The following PABPC1 variants were observed in gnomAD, a reference collection of about 807,000 sequenced individuals.
PABPC1 encodes poly(A) binding protein cytoplasmic 1.
In PABPC1, 4 loss-of-function variants were observed where a neutral mutation model predicts 74.0. That is an observed-to-expected ratio of 0.05 (90% CI 0.03 to 0.12). PABPC1 has a LOEUF of 0.12. Among genes scored for constraint, PABPC1 ranks in the 10% least tolerant of loss-of-function variants. The pLI, the probability that PABPC1 is intolerant of heterozygous loss-of-function variation, is 1.00. For synonymous variants in PABPC1, 227 were observed against 264.1 expected, an observed-to-expected ratio of 0.86 and a Z score of 1.36; for missense variants, 271 against 821.1, an observed-to-expected ratio of 0.33 and a Z score of 8.19.
intron 1 of PABPC1, among the ~76,000 whole-genome samples, chr8:100,720,842 G>A (rs570869850): frequency 6.6e-6 from 1 of 152,352 alleles, no homozygotes; most frequent in South Asian, 2.1e-4. Context: ...CATCGCCACA[G>A]GAACTTTATC....
intron 12 of PABPC1, 113 bp from the exon 13 acceptor site, chr8:100,705,169 T>C (rs944259285): frequency 2.0e-5 from 16 of 793,930 alleles, no homozygotes; most frequent in East Asian, 1.3e-4. Context: ...ACGTATATAA[T>C]AACCCATAAT....
At chr8:100,705,268 C>T (rs1810350772) in intron 12 of PABPC1, among the ~76,000 whole-genome samples, 3 of 152,216 alleles carry the variant, frequency 2.0e-5, no homozygotes, top group Admixed American at 1.3e-4. Flanking sequence ...GCCAATTAAG[C>T]AATGTTACCA....
intron 11 of PABPC1, 124 bp from the exon 12 acceptor site, chr8:100,705,797 T>C (rs984150454): frequency 1.1e-4 from 75 of 686,318 alleles, no homozygotes; most frequent in Non-Finnish European, 1.9e-4. Context: ...AGAAGTTGAG[T>C]GAGCGAATTA....
At chr8:100,714,208 C>T (rs962017158) in intron 4 of PABPC1, among the ~76,000 whole-genome samples, 2 of 152,194 alleles carry the variant, frequency 1.3e-5, no homozygotes, top group Admixed American at 6.5e-5. Context: ...ACTTATGCAG[C>T]ATTACTCATA....
At chr8:100,720,772 CAG>C (rs1483734838) in intron 1 of PABPC1, among the ~76,000 whole-genome samples, 1 of 152,218 alleles carries the variant, frequency 6.6e-6, no homozygotes, top group Non-Finnish European at 1.5e-5. Context: ...CTAGATCCAT[CAG>C]TCACTGATGA....
chr8:100,704,122 T>A (rs1587142177), intron 14 of PABPC1, 175 bp downstream of exon 14: 4 of 495,096 alleles, frequency 8.1e-6, no homozygotes, highest in South Asian at 2.9e-5. Flanking sequence ...AGTTAACGGG[T>A]AAAATTCCTT....
chr8:100,721,803 C>A lies in PABPC1; in HGVS notation c.-220G>T. On this transcript the variant is annotated 5_prime_UTR_variant, in exon 1 of 15. Transcript: ENST00000318607. This position sits in a 1 kb window ranked among gnomAD's most constrained non-coding sequence, Gnocchi z 7.4. ...CGGCGGGGAGCGAGGGTGGCGGTGT[C>A]GGGTCCGGGCAGCGGGAAGGCCTCG... is the stretch of plus-strand genomic sequence containing the variant. The A allele has an allele frequency of 2.4e-6, 1 of 415,386 alleles. No individual in the cohort carries two copies. Among genetic ancestry groups the A allele is most frequent in the Non-Finnish European group, 4.3e-6 (1 of 232,998 alleles). The allele number at this position is 415,386 out of a possible 1,614,324, so 25.7% of individuals were successfully genotyped here.
Position 100,707,015 on chromosome 8 carries a change from G to C in PABPC1, c.1337-18C>G, listed in dbSNP as rs201952783. The C allele has an allele frequency of 8.6e-7, 1 of 1,159,850 alleles. No homozygotes were observed. The highest frequency in any genetic ancestry group is 1.6e-5 in the African/African-American group (1 of 63,382). 71.8% of individuals were successfully genotyped at this position (1,159,850 alleles called of 1,614,324 possible). ...TTGGAATGCTGCATTTTAAAGATGT[G>C]AATATACATTAACTGGGAAAACTTA... On this transcript the variant is annotated intron_variant, in intron 9 of 14. Coordinates refer to ENST00000318607, the MANE Select transcript of PABPC1 (RefSeq NM_002568.4).
At chr8:100,716,462 A>G (rs1810672733) in intron 3 of PABPC1, among the ~76,000 whole-genome samples, 1 of 152,214 alleles carries the variant, frequency 6.6e-6, no homozygotes, top group African/African-American at 2.4e-5. Context: ...ATAGCATATT[A>G]TAATACACAG....
intron 12 of PABPC1, 78 bp from the exon 13 acceptor site, chr8:100,705,134 G>T: frequency 8.4e-7 from 1 of 1,189,320 alleles, no homozygotes; most frequent in Non-Finnish European, 1.2e-6. Context: ...ATTAAACTGG[G>T]GTTTAAGAAC....
Position 100,709,243 on chromosome 8 carries a change from ATGAGTTTATCAGT to A in PABPC1, c.1246-33_1246-21del. On this transcript the variant is annotated intron_variant, in intron 8 of 14. Coordinates refer to ENST00000318607, the MANE Select transcript of PABPC1 (RefSeq NM_002568.4). Reference sequence around the variant, plus strand: ...CTGAGTCTGCAGGGAAAAAAAGCACATGAGTTTATCAGTTGAAGAAAAAAGCAAATAATGCAAT... The same window carrying A: ...CTGAGTCTGCAGGGAAAAAAAGCACATGAAGAAAAAAGCAAATAATGCAAT... The A allele has an allele frequency of 6.2e-7, 1 of 1,602,798 alleles. No individual in the cohort carries two copies. Among genetic ancestry groups the A allele is most frequent in the Non-Finnish European group, 8.5e-7 (1 of 1,170,674 alleles).
intron 3 of PABPC1, among the ~76,000 whole-genome samples, 198 bp from the exon 4 acceptor site, chr8:100,715,799 C>CA (rs201171556): frequency 0.01 from 1,482 of 146,616 alleles, 7 homozygotes; most frequent in Middle Eastern, 0.017. Flanking sequence ...ACTACAATCA[C>CA]AAAAAAAAAA....
At position 100,705,677 on chromosome 8, in the gene PABPC1, G is replaced by A; in HGVS notation, c.1603-4C>T. On this transcript the variant is annotated splice_polypyrimidine_tract_variant and splice_region_variant and intron_variant, in intron 11 of 14. Coordinates refer to ENST00000318607, the MANE Select transcript of PABPC1 (RefSeq NM_002568.4). ...GACCTTGTACATGAACAGCAGGCTA[G>A]ACAGAAAATGAGAACTCTTAAGTTT... The A allele has an allele frequency of 6.7e-7, 1 of 1,500,488 alleles. No homozygotes were observed. Among genetic ancestry groups the A allele is most frequent in the Non-Finnish European group, 9.3e-7 (1 of 1,079,304 alleles). The allele number at this position is 1,500,488 out of a possible 1,614,324, so 92.9% of individuals were successfully genotyped here.
Position 100,706,892 on chromosome 8 carries a change from C to T in PABPC1, c.1442G>A (p.Arg481His). Residue 481 changes from arginine to histidine, a missense_variant, in exon 10 of 15, where the codon CGT becomes CAT. Physicochemically the swap from Arg to His is conservative, Grantham distance 29 (BLOSUM62 0). Transcript: ENST00000318607. ...AAGGAAGGATTAAGACTCACCAACA[C>T]GCTGTGTTGACATGACTCGTGGAAC... The part of the protein sequence containing the change: ...SQVPRVMSTQ[R>H]VANTSTQTMG... 1.2e-6 allele frequency: 2 copies of T among 1,612,668 alleles called. No individual in the cohort carries two copies. The highest frequency in any genetic ancestry group is 1.7e-6 in the Non-Finnish European group (2 of 1,179,100).
intron 7 of PABPC1, among the ~76,000 whole-genome samples, chr8:100,710,468 A>C (rs2129703357): frequency 6.6e-6 from 1 of 152,352 alleles, no homozygotes; most frequent in African/African-American, 2.4e-5. Flanking sequence ...TAACATTTTA[A>C]AGTACTGGGG....
At chr8:100,704,532 C>A (rs889817822) in intron 13 of PABPC1, 142 bp from the exon 14 acceptor site, 5 of 733,706 alleles carry the variant, frequency 6.8e-6, no homozygotes, top group Non-Finnish European at 1.2e-5. Flanking sequence ...ACAACTATAT[C>A]CATTCAATTT....
rs1810829992 is a variant in PABPC1 at position 100,721,448 on chromosome 8, T to C, written c.136A>G (p.Met46Val). 6.2e-7 allele frequency: 1 copy of C among 1,608,276 alleles called. No individual in the cohort carries two copies. Among genetic ancestry groups the C allele is most frequent in the Non-Finnish European group, 8.5e-7 (1 of 1,177,196 alleles). The change falls in exon 1 of 15, where the codon ATG (methionine) becomes GTG (valine). Residue 46 changes from methionine to valine, a missense_variant. Around this residue, in one of 7 missense-constraint regions of PABPC1, gnomAD observed 47 missense variants for 214.1 expected, o/e 0.22. Transcript: ENST00000318607. The surrounding 1 kb of genome is among the most constrained non-coding windows in gnomAD (Gnocchi z 7.4). The stretch of plus-strand genomic sequence containing the variant: ...TAGCCCAAGGAGCGGCGGGTGATCA[T>C]GTCCCTGCAGACCCGGATGGAGAGG... Reference protein sequence around the residue: ...PILSIRVCRDMITRRSLGYAY... With the variant: ...PILSIRVCRDVITRRSLGYAY...
Position 100,721,628 on chromosome 8 carries a change from G to C in PABPC1, c.-45C>G, listed in dbSNP as rs962282009. On this transcript the variant is annotated 5_prime_UTR_variant, in exon 1 of 15. Coordinates refer to ENST00000318607, the MANE Select transcript of PABPC1 (RefSeq NM_002568.4). This position sits in a 1 kb window ranked among gnomAD's most constrained non-coding sequence, Gnocchi z 7.4. Reference sequence around the variant, plus strand: ...GGGCCACAGGCCGCGACCTTTCCGTGAGAGGAGGAGAGCGAGTGCCGGGGC... The same window carrying C: ...GGGCCACAGGCCGCGACCTTTCCGTCAGAGGAGGAGAGCGAGTGCCGGGGC... 7.2e-7 allele frequency: 1 copy of C among 1,390,850 alleles called. No homozygotes were observed. The highest frequency in any genetic ancestry group is 1.6e-5 in the South Asian group (1 of 62,438). 86.2% of individuals were successfully genotyped at this position (1,390,850 alleles called of 1,614,324 possible).
At chr8:100,711,211 C>T (rs529404611) in intron 7 of PABPC1, among the ~76,000 whole-genome samples, 9 of 152,126 alleles carry the variant, frequency 5.9e-5, no homozygotes, top group Non-Finnish European at 8.8e-5. Flanking sequence ...ACCCGGGAGG[C>T]GGAGGCTGCA....
Sources: allele counts gnomAD v4.1 joint callset (sites outside exome capture counted in the v4.1 genomes callset), GRCh38; gene constraint gnomAD v4.1.1; regional missense constraint gnomAD v4.1.1; non-coding constraint Gnocchi (gnomAD v3.1); transcripts MANE v1.5; gene names NCBI Gene and HGNC (gene_info 2026-07-23, HGNC 2026-07-21).